The following SLCO2A1 variants were observed in gnomAD, a reference collection of about 807,000 sequenced individuals.
SLCO2A1 encodes matrin F/G 1.
SLCO2A1 carries 60 observed loss-of-function variants against 71.7 expected under a neutral mutation model. The ratio of observed to expected loss-of-function variants is 0.84; its 90% confidence interval spans 0.68 to 1.04. The LOEUF is 1.04. Ranked by LOEUF, SLCO2A1 falls within the 50% of genes least tolerant of loss-of-function variation. The probability of loss-of-function intolerance (pLI) is 0.00; values close to 1 mark genes in which losing one functional copy is unlikely to be tolerated. For synonymous variants in SLCO2A1, 308 were observed against 326.7 expected, an observed-to-expected ratio of 0.94 and a Z score of 0.62; for missense variants, 745 against 813.4, an observed-to-expected ratio of 0.92 and a Z score of 1.02.
chr3:134,022,099 A>C (rs1935599111), intron 1 of SLCO2A1, among the ~76,000 whole-genome samples: 1 of 151,846 alleles, frequency 6.6e-6, no homozygotes, highest in African/African-American at 2.4e-5. Flanking sequence ...GGAGGGGCGG[A>C]ATTTATGTAA....
At chr3:133,986,492 G>A (rs1313958251) in intron 1 of SLCO2A1, among the ~76,000 whole-genome samples, 2 of 152,170 alleles carry the variant, frequency 1.3e-5, no homozygotes, top group South Asian at 2.1e-4. Context: ...CACAGAGGAC[G>A]AGCAACATTC....
At chr3:133,941,748 A>G (rs1034748619) in intron 11 of SLCO2A1, among the ~76,000 whole-genome samples, 1 of 152,094 alleles carries the variant, frequency 6.6e-6, no homozygotes, top group African/African-American at 2.4e-5. Flanking sequence ...TCCTGGAGCC[A>G]ATCATACCAG....
rs1168883596 is a variant in SLCO2A1 at position 133,933,037 on chromosome 3, T to C, written c.*1676A>G. On this transcript the variant is annotated 3_prime_UTR_variant, in exon 14 of 14. Coordinates refer to ENST00000310926, the MANE Select transcript of SLCO2A1 (RefSeq NM_005630.3). The stretch of plus-strand genomic sequence containing the variant: ...ACTTCAGTCTCATGGCATTGGACTT[T>C]GTTTGGACATTGACATAAATATTTT... 6.6e-6 allele frequency: 1 copy of C among 152,610 alleles called. No homozygotes were observed. The highest frequency in any genetic ancestry group is 2.4e-5 in the African/African-American group (1 of 41,444). 9.5% of individuals were successfully genotyped at this position (152,610 alleles called of 1,614,324 possible). A position where few individuals can be genotyped will look rare whatever the true frequency, so the allele number is the denominator to read the frequency against.
At chr3:133,999,819 G>A (rs937773113) in intron 1 of SLCO2A1, among the ~76,000 whole-genome samples, 3 of 152,180 alleles carry the variant, frequency 2.0e-5, no homozygotes, top group Admixed American at 2.0e-4. Context: ...AGGTAGGTGA[G>A]AAGAGAAAAC....
chr3:133,976,081 A>C (rs755009425), intron 2 of SLCO2A1, among the ~76,000 whole-genome samples: 4 of 152,226 alleles, frequency 2.6e-5, no homozygotes, highest in Admixed American at 6.5e-5. Flanking sequence ...CAAATGAATG[A>C]ATGAGTAAAT....
At position 134,029,710 on chromosome 3, in the gene SLCO2A1, A is replaced by G. The variant is rs1252499052; in HGVS notation, c.93T>C (p.Ile31=). Residue 31 remains isoleucine, a synonymous_variant, in exon 1 of 14, where the codon ATT becomes ATC. Coordinates refer to ENST00000310926, the MANE Select transcript of SLCO2A1 (RefSeq NM_005630.3). ...GRCARSVFGN[I]KVFVLCQGLL... Reference sequence around the variant, plus strand: ...AGACCCCGCGGACTCCGCTCACCTTAATGTTGCCGAAGACCGAGCGGGCAC... The same window carrying G: ...AGACCCCGCGGACTCCGCTCACCTTGATGTTGCCGAAGACCGAGCGGGCAC... 1.3e-6 allele frequency: 2 copies of G among 1,587,194 alleles called. No homozygotes were observed. Among genetic ancestry groups the G allele is most frequent in the Admixed American group, 1.7e-5 (1 of 58,220 alleles).
intron 1 of SLCO2A1, among the ~76,000 whole-genome samples, chr3:134,000,135 G>A (rs1345451211): frequency 6.6e-6 from 1 of 152,178 alleles, no homozygotes; most frequent in African/African-American, 2.4e-5. Flanking sequence ...CTGAGTCCAA[G>A]AGAAGGGAGG....
intron 3 of SLCO2A1, among the ~76,000 whole-genome samples, chr3:133,957,684 G>T (rs2108047146): frequency 6.6e-6 from 1 of 152,292 alleles, no homozygotes; most frequent in African/African-American, 2.4e-5. Flanking sequence ...CAGGAAAGGG[G>T]CTGGCTGCTG....
chr3:133,984,647 C>T (rs1227882468), intron 1 of SLCO2A1, among the ~76,000 whole-genome samples: 1 of 152,202 alleles, frequency 6.6e-6, no homozygotes, highest in African/African-American at 2.4e-5. Flanking sequence ...GCAAGCAACA[C>T]TTGACACCGT....
chr3:133,944,289 T>C (rs982251439), intron 10 of SLCO2A1, among the ~76,000 whole-genome samples: 1 of 152,194 alleles, frequency 6.6e-6, no homozygotes, highest in African/African-American at 2.4e-5. Context: ...GTGTGTTGAT[T>C]TGATAGAATG....
chr3:134,018,488 C>G (rs1490632709), intron 1 of SLCO2A1, among the ~76,000 whole-genome samples: 1 of 152,144 alleles, frequency 6.6e-6, no homozygotes, highest in Non-Finnish European at 1.5e-5. Context: ...CAGAAGTCAC[C>G]AGGGCCACCG....
chr3:133,994,162 T>G (rs759247404), intron 1 of SLCO2A1, among the ~76,000 whole-genome samples: 43 of 152,232 alleles, frequency 2.8e-4, no homozygotes, highest in Non-Finnish European at 4.4e-4. Context: ...CTGTATTTTC[T>G]GTGTCTGGCG....
At chr3:134,024,628 C>T (rs1401261436) in intron 1 of SLCO2A1, among the ~76,000 whole-genome samples, 1 of 152,198 alleles carries the variant, frequency 6.6e-6, no homozygotes, top group Non-Finnish European at 1.5e-5. Flanking sequence ...GACGGGGTTT[C>T]CAAAGCCTGG....
At chr3:134,006,026 A>G (rs1199341070) in intron 1 of SLCO2A1, among the ~76,000 whole-genome samples, 2 of 152,108 alleles carry the variant, frequency 1.3e-5, no homozygotes, top group South Asian at 4.2e-4. Context: ...AAATTGTGAT[A>G]AAATGTGTGT....
chr3:133,998,028 C>T (rs1935012005), intron 1 of SLCO2A1, among the ~76,000 whole-genome samples: 1 of 152,188 alleles, frequency 6.6e-6, no homozygotes, highest in African/African-American at 2.4e-5. Context: ...AGGGATCGCT[C>T]ATCAGAAAAC....
Position 134,029,722 on chromosome 3 carries a change from G to C in SLCO2A1, c.81C>G (p.Val27=), listed in dbSNP as rs373061864. ...TSRAGRCARS[V]FGNIKVFVLC... ...CTCCGCTCACCTTAATGTTGCCGAA[G>C]ACCGAGCGGGCACAGCGGCCGGCTC... Residue 27 remains valine, a synonymous_variant, in exon 1 of 14, where the codon GTC becomes GTG. Transcript: ENST00000310926. 89 of 1,590,028 alleles carry C rather than the reference G, an allele frequency of 5.6e-5. No individual in the cohort carries two copies. The African/African-American group carries it at 1.2e-3, about 21-fold the overall frequency.
At chr3:133,972,920 T>C (rs1400538211) in intron 3 of SLCO2A1, among the ~76,000 whole-genome samples, 1 of 152,058 alleles carries the variant, frequency 6.6e-6, no homozygotes, top group Non-Finnish European at 1.5e-5. Context: ...CAAGAAGCAA[T>C]CAATGGTGAA....
chr3:133,977,039 CG>C (rs1934476645), intron 2 of SLCO2A1, among the ~76,000 whole-genome samples: 1 of 152,160 alleles, frequency 6.6e-6, no homozygotes, highest in Non-Finnish European at 1.5e-5. Flanking sequence ...CTCCACCACC[CG>C]GGCAGCCTCA....
At chr3:134,022,065 GAAAAAAAA>G (rs111423575) in intron 1 of SLCO2A1, among the ~76,000 whole-genome samples, 1 of 125,620 alleles carries the variant, frequency 8.0e-6, no homozygotes, top group Non-Finnish European at 1.7e-5. Flanking sequence ...TATCCTAAAG[GAAAAAAAA>G]AAAAAGAAAA....
Sources: allele counts gnomAD v4.1 joint callset (sites outside exome capture counted in the v4.1 genomes callset), GRCh38; gene constraint gnomAD v4.1.1; transcripts MANE v1.5; gene names NCBI Gene and HGNC (gene_info 2026-07-23, HGNC 2026-07-21).